Variants in CACNA2D1 observed in about 807,000 individuals in gnomAD.
CACNA2D1 encodes the protein voltage-dependent calcium channel subunit alpha-2/delta-1.
A neutral mutation model predicts 171.5 loss-of-function variants in CACNA2D1; 53 were observed. The ratio of observed to expected loss-of-function variants is 0.31; its 90% CI spans 0.25 to 0.39. The LOEUF (loss-of-function observed/expected upper bound fraction) is 0.39, where lower values mean the gene tolerates loss of function less well. CACNA2D1 is among the 10% of genes least tolerant of loss of function. CACNA2D1 has a pLI of 1.00. For missense variants in CACNA2D1, 903 were observed against 1,299.8 expected (o/e 0.69, Z 4.69); for synonymous variants, 442 against 443.1 (o/e 1.00, Z 0.03).
At chr7:81,956,218 C>T (rs1793320183) in intron 38 of CACNA2D1, among the ~76,000 whole-genome samples, 1 of 151,624 alleles carries the variant, frequency 6.6e-6, no homozygotes, top group African/African-American at 2.4e-5. Context: ...AGGTGATGCA[C>T]CCACCTCGGC....
intron 3 of CACNA2D1, among the ~76,000 whole-genome samples, chr7:82,192,416 A>ATATGTC (rs981339449): frequency 9.1e-6 from 1 of 109,736 alleles, no homozygotes; most frequent in Admixed American, 9.0e-5. Context: ...ATATATATAT[A>ATATGTC]TATATGTCTA....
chr7:82,007,573 A>G, intron 16 of CACNA2D1, 106 bp downstream of exon 16: 1 of 715,034 alleles, frequency 1.4e-6, no homozygotes. Context: ...GCCTCACAAG[A>G]CAATTACACT....
rs531558085 is a variant in CACNA2D1, at chr7:82,371,132, T to C, written c.96-21483A>G. ...TTTATTTTGTATATAACTTATTAGC[T>C]GCTTGCATCTTTTGCAAAATAATGC... is the stretch of plus-strand genomic sequence containing the variant. On this transcript the variant is annotated intron_variant, in intron 1 of 38. Transcript: ENST00000356860. Among the ~76,000 whole-genome samples, 74 of 152,314 alleles carry C rather than the reference T, an allele frequency of 4.9e-4. No homozygotes were observed. In the South Asian group the frequency reaches 0.015, roughly 32 times the overall value.
At chr7:82,261,266 T>A (rs1807062416) in intron 3 of CACNA2D1, among the ~76,000 whole-genome samples, 1 of 152,200 alleles carries the variant, frequency 6.6e-6, no homozygotes, top group South Asian at 2.1e-4. Flanking sequence ...GGACCACTTT[T>A]TATAGTGTCT....
intron 1 of CACNA2D1, among the ~76,000 whole-genome samples, chr7:82,376,573 G>C (rs1823036761): frequency 6.6e-6 from 1 of 152,164 alleles, no homozygotes; most frequent in Non-Finnish European, 1.5e-5. Context: ...TCATCTGAAA[G>C]GAACAGTTGC....
intron 6 of CACNA2D1, among the ~76,000 whole-genome samples, chr7:82,113,483 G>A (rs1281909889): frequency 6.6e-6 from 1 of 151,972 alleles, no homozygotes; most frequent in African/African-American, 2.4e-5. Context: ...TTTGAGATGG[G>A]GCTCTAATTA....
chr7:82,106,364 T>C (rs1787761986), intron 6 of CACNA2D1, among the ~76,000 whole-genome samples: 1 of 152,078 alleles, frequency 6.6e-6, no homozygotes, highest in South Asian at 2.1e-4. Context: ...CTATTTTAAT[T>C]TAAGATTATC....
At chr7:82,222,721 G>T (rs1333635259) in intron 3 of CACNA2D1, among the ~76,000 whole-genome samples, 2 of 149,970 alleles carry the variant, frequency 1.3e-5, no homozygotes, top group Non-Finnish European at 3.0e-5. Context: ...TTGAGGGCAG[G>T]AATCTTTTCT....
At chr7:82,181,308 T>A (rs1034021618) in intron 3 of CACNA2D1, among the ~76,000 whole-genome samples, 1 of 152,182 alleles carries the variant, frequency 6.6e-6, no homozygotes, top group East Asian at 1.9e-4. Context: ...CTTCAGACTC[T>A]CACTATCATT....
rs537746551 is a variant in CACNA2D1 at position 82,060,231 on chromosome 7, A to T, written c.879+197T>A. On this transcript the variant is annotated intron_variant, in intron 10 of 38. Coordinates refer to ENST00000356860, the MANE Select transcript of CACNA2D1 (RefSeq NM_000722.4). Reference sequence around the variant, plus strand: ...TATATAATATATATATAATATATATATATAATATGTATAAAAAACCTTAAA... The same window carrying T: ...TATATAATATATATATAATATATATTTATAATATGTATAAAAAACCTTAAA... 5.1e-3 allele frequency among the ~76,000 whole-genome samples: 375 copies of T among 73,658 alleles called. 23 individuals carry two copies. Among genetic ancestry groups the T allele is most frequent in the African/African-American group, 0.016 (363 of 23,258 alleles). The allele number at this position is 73,658 out of a possible 152,430, so 48.3% of individuals were successfully genotyped here.
intron 3 of CACNA2D1, among the ~76,000 whole-genome samples, chr7:82,264,907 A>C (rs1373458787): frequency 1.3e-5 from 2 of 152,116 alleles, no homozygotes; most frequent in Non-Finnish European, 2.9e-5. Flanking sequence ...ATATCTCCCC[A>C]TTGTTTCCCA....
chr7:82,330,981 G>C (rs913742156), intron 3 of CACNA2D1, among the ~76,000 whole-genome samples: 3 of 152,040 alleles, frequency 2.0e-5, no homozygotes, highest in African/African-American at 7.2e-5. Context: ...TGGCTTATAA[G>C]AAATGTACTA....
At chr7:82,115,007 A>G (rs886325181) in intron 6 of CACNA2D1, among the ~76,000 whole-genome samples, 5 of 152,222 alleles carry the variant, frequency 3.3e-5, no homozygotes, top group African/African-American at 1.2e-4. Context: ...AGCCTCCCAG[A>G]TATCAACAAT....
chr7:82,400,951 A>C (rs971751644), intron 1 of CACNA2D1, among the ~76,000 whole-genome samples: 2 of 152,202 alleles, frequency 1.3e-5, no homozygotes, highest in African/African-American at 4.8e-5. Flanking sequence ...AAACACATGA[A>C]AAAATGCTCA....
intron 3 of CACNA2D1, among the ~76,000 whole-genome samples, chr7:82,302,853 G>T (rs1302484750): frequency 1.3e-5 from 2 of 152,084 alleles, no homozygotes; most frequent in East Asian, 1.9e-4. Context: ...TACTAAAGGG[G>T]AATAGTTAAG....
chr7:82,256,844 GAT>G (rs371283835), intron 3 of CACNA2D1, among the ~76,000 whole-genome samples: 1 of 152,086 alleles, frequency 6.6e-6, no homozygotes, highest in African/African-American at 2.4e-5. Context: ...TTTTAGGTAA[GAT>G]ACATTTCACA....
chr7:82,204,390 G>T (rs1799803098), intron 3 of CACNA2D1, among the ~76,000 whole-genome samples: 2 of 152,198 alleles, frequency 1.3e-5, no homozygotes, highest in Non-Finnish European at 2.9e-5. Flanking sequence ...AGACCTAGGG[G>T]AGGAAGGATG....
chr7:82,431,031 T>A (rs1829630635), intron 1 of CACNA2D1, among the ~76,000 whole-genome samples: 1 of 152,182 alleles, frequency 6.6e-6, no homozygotes, highest in Non-Finnish European at 1.5e-5. Context: ...GCTTTGTGGT[T>A]CTGCTTTCTT....
chr7:82,306,483 G>A (rs1813748346), intron 3 of CACNA2D1, among the ~76,000 whole-genome samples: 1 of 152,150 alleles, frequency 6.6e-6, no homozygotes. Context: ...TTACTACATG[G>A]TTAGATCTGG....
Sources: gnomAD v4.1 joint callset for allele counts (sites outside exome capture counted in the v4.1 genomes callset) on GRCh38, gnomAD v4.1.1 for gene constraint, MANE v1.5 for transcripts, NCBI Gene and HGNC (gene_info 2026-07-23, HGNC 2026-07-21) for gene names.